Variants in PCDHGA10 observed in about 807,000 individuals in gnomAD.
PCDHGA10 encodes the protein protocadherin gamma subfamily A, 10.
Under a neutral mutation model 59.5 loss-of-function variants are expected in PCDHGA10, and 42 were observed. That is an observed-to-expected ratio of 0.71 (90% confidence interval 0.55 to 0.91). PCDHGA10 has a LOEUF of 0.91. PCDHGA10 is among the 40% of genes least tolerant of loss of function. The pLI is 0.00. For missense variants in PCDHGA10, 1,111 were observed against 1,198.2 expected, an observed-to-expected ratio of 0.93 and a Z score of 1.07; for synonymous variants, 511 against 517.2, an observed-to-expected ratio of 0.99 and a Z score of 0.16.
rs1267965791 is a variant in PCDHGA10, at chr5:141,431,329, G to C, written c.2436+15718G>C. 1 of 1,614,002 alleles carries C rather than the reference G, an allele frequency of 6.2e-7. No individual in the cohort carries two copies. Among genetic ancestry groups the C allele is most frequent in the East Asian group, 2.2e-5 (1 of 44,904 alleles). On this transcript the variant is annotated intron_variant, in intron 1 of 3. Coordinates refer to ENST00000398610, the MANE Select transcript of PCDHGA10 (RefSeq NM_018913.3). The surrounding 1 kb of genome is among the most constrained non-coding windows in gnomAD (Gnocchi z 4.8). ...TGCAAAATGGAGCCGACGGTAGTAA[G>C]TACCCCGAATTGGTGCTGAAACGCG...
rs530261329 is a variant in PCDHGA10, at chr5:141,440,076, A to G, written c.2436+24465A>G. 2.4e-4 allele frequency: 37 copies of G among 152,560 alleles called. No individual in the cohort carries two copies. In the South Asian group the frequency reaches 3.7e-3, roughly 15 times the overall value. The allele number at this position is 152,560 out of a possible 1,614,324, so 9.5% of individuals were successfully genotyped here. On this transcript the variant is annotated intron_variant, in intron 1 of 3. Coordinates refer to ENST00000398610, the MANE Select transcript of PCDHGA10 (RefSeq NM_018913.3). Reference sequence around the variant, plus strand: ...CTTCGGGTTAATGCTGAGGAATAATACTTCATTCTAAGTGGGGAAAGTGGA... The same window carrying G: ...CTTCGGGTTAATGCTGAGGAATAATGCTTCATTCTAAGTGGGGAAAGTGGA...
intron 1 of PCDHGA10, chr5:141,430,844 A>C: frequency 6.4e-7 from 1 of 1,571,464 alleles, no homozygotes; most frequent in Non-Finnish European, 8.6e-7. Flanking sequence ...GACCGGATGC[A>C]CCCAGATACG....
At chr5:141,438,610 A>G (rs2098013566) in intron 1 of PCDHGA10, among the ~76,000 whole-genome samples, 1 of 30,060 alleles carries the variant, frequency 3.3e-5, no homozygotes, top group African/African-American at 2.4e-4. Flanking sequence ...ATATATATAT[A>G]TATATATATA....
At position 141,476,001 on chromosome 5, in the gene PCDHGA10, C is replaced by G; in HGVS notation, c.2437-18806C>G. The G allele has an allele frequency of 8.1e-7, 1 of 1,235,348 alleles. No homozygotes were observed. Among genetic ancestry groups the G allele is most frequent in the Non-Finnish European group, 1.1e-6 (1 of 894,008 alleles). 76.5% of individuals were successfully genotyped at this position (1,235,348 alleles called of 1,614,324 possible). On this transcript the variant is annotated intron_variant, in intron 1 of 3. Transcript: ENST00000398610. The surrounding 1 kb of genome is among the most constrained non-coding windows in gnomAD (Gnocchi z 7.6). ...CAGCCGGCGAGCAAATCAACGGCATCCAGAAAGCCATGTCGGACTCGGCGC... is the reference window on the plus strand; with the variant it reads ...CAGCCGGCGAGCAAATCAACGGCATGCAGAAAGCCATGTCGGACTCGGCGC...
In PCDHGA10 at chr5:141,485,822, G is replaced by A. The variant is rs750883983; in HGVS notation, c.2437-8985G>A. 6.2e-7 allele frequency: 1 copy of A among 1,614,192 alleles called. No individual in the cohort carries two copies. The highest frequency in any genetic ancestry group is 1.1e-5 in the South Asian group (1 of 91,080). ...CCGCCTGGTGCTGACTGCTGTCGAT[G>A]GAGGGAACCCGCCGAGATCTGGCAC... On this transcript the variant is annotated intron_variant, in intron 1 of 3. Transcript: ENST00000398610. This position sits in a 1 kb window ranked among gnomAD's most constrained non-coding sequence, Gnocchi z 5.7.
chr5:141,420,993 C>T (rs956578377), intron 1 of PCDHGA10: 2 of 501,412 alleles, frequency 4.0e-6, no homozygotes, highest in Non-Finnish European at 7.0e-6. Context: ...GGCGCCGCTG[C>T]TCACCAATCA....
Position 141,491,094 on chromosome 5 carries a change from G to C in PCDHGA10, c.2437-3713G>C, listed in dbSNP as rs1240705650. The C allele has an allele frequency of 1.9e-6, 3 of 1,614,202 alleles. No homozygotes were observed. Among genetic ancestry groups the C allele is most frequent in the Non-Finnish European group, 2.5e-6 (3 of 1,180,030 alleles). On this transcript the variant is annotated intron_variant, in intron 1 of 3. Coordinates refer to ENST00000398610, the MANE Select transcript of PCDHGA10 (RefSeq NM_018913.3). The surrounding 1 kb of genome is among the most constrained non-coding windows in gnomAD (Gnocchi z 6.9). The stretch of plus-strand genomic sequence containing the variant: ...TGCCACAGTCCACAGCCCCAGGACT[G>C]TTCCTCGTGTCTACACACACTGGTG...
chr5:141,477,066 T>C lies in PCDHGA10; in HGVS notation c.2437-17741T>C. ...CGGCTGGACTTCGAGGACACCAAAC[T>C]CCATGAGATTTACATCCAGGCCAAA... On this transcript the variant is annotated intron_variant, in intron 1 of 3. Coordinates refer to ENST00000398610, the MANE Select transcript of PCDHGA10 (RefSeq NM_018913.3). This position sits in a 1 kb window ranked among gnomAD's most constrained non-coding sequence, Gnocchi z 4.9. 6.2e-7 allele frequency: 1 copy of C among 1,614,148 alleles called. No homozygotes were observed. The highest frequency in any genetic ancestry group is 8.5e-7 in the Non-Finnish European group (1 of 1,180,028).
intron 1 of PCDHGA10, among the ~76,000 whole-genome samples, chr5:141,449,264 C>T (rs2098633342): frequency 6.6e-6 from 1 of 152,056 alleles, no homozygotes; most frequent in African/African-American, 2.4e-5. Flanking sequence ...GTACAAAGAA[C>T]TGTATCTCCT....
chr5:141,441,057 A>T (rs2098222263), intron 1 of PCDHGA10: 2 of 152,152 alleles, frequency 1.3e-5, no homozygotes, highest in South Asian at 4.1e-4. Flanking sequence ...ACTTTTAAAG[A>T]TTTTTAATTT....
At chr5:141,458,509 CTTTG>C (rs1327998402) in intron 1 of PCDHGA10, among the ~76,000 whole-genome samples, 2 of 149,986 alleles carry the variant, frequency 1.3e-5, no homozygotes. Context: ...CTGTTTGACA[CTTTG>C]TTTTTTTTTT....
chr5:141,415,588 A>G lies in PCDHGA10; in HGVS notation c.2413A>G (p.Ile805Val), dbSNP rs769216282. 3.3e-5 allele frequency: 53 copies of G among 1,613,874 alleles called. No individual in the cohort carries two copies. Among genetic ancestry groups the G allele is most frequent in the Admixed American group, 3.3e-5 (2 of 59,998 alleles). ...LSLLDDSKFP[I>V]EDTPLVPQAP... ...TTTGTTAGATGATTCGAAGTTTCCT[A>G]TAGAGGATACCCCATTGGTTCCAGT... Residue 805 changes from isoleucine to valine, a missense_variant, in exon 1 of 4, where the codon ATA (isoleucine) becomes GTA (valine). Physicochemically the swap from Ile to Val is conservative, Grantham distance 29 (BLOSUM62 3). Transcript: ENST00000398610.
At chr5:141,420,275 G>T in intron 1 of PCDHGA10, 1 of 1,524,576 alleles carries the variant, frequency 6.6e-7, no homozygotes, top group Non-Finnish European at 8.9e-7. Flanking sequence ...TCTTAAACAG[G>T]TAAGTATTTA....
At position 141,486,121 on chromosome 5, in the gene PCDHGA10, T is replaced by C. The variant is rs371827617; in HGVS notation, c.2437-8686T>C. 5.6e-6 allele frequency: 9 copies of C among 1,614,086 alleles called. No individual in the cohort carries two copies. The highest frequency in any genetic ancestry group is 2.2e-5 in the South Asian group (2 of 91,082). ...TAGACTTTGAGAGTGAGAATTACTATGAATTTGATGTGCGGGCTCGCGATG... is the reference window on the plus strand; with the variant it reads ...TAGACTTTGAGAGTGAGAATTACTACGAATTTGATGTGCGGGCTCGCGATG... On this transcript the variant is annotated intron_variant, in intron 1 of 3. Coordinates refer to ENST00000398610, the MANE Select transcript of PCDHGA10 (RefSeq NM_018913.3). This position sits in a 1 kb window ranked among gnomAD's most constrained non-coding sequence, Gnocchi z 5.0.
intron 1 of PCDHGA10, among the ~76,000 whole-genome samples, chr5:141,436,701 A>C (rs571525375): frequency 6.9e-4 from 105 of 152,332 alleles, no homozygotes; most frequent in Non-Finnish European, 9.4e-4. Context: ...ATGCCAGCAC[A>C]CTCGATGTTC....
intron 1 of PCDHGA10, among the ~76,000 whole-genome samples, chr5:141,443,876 G>C (rs2098409251): frequency 6.6e-6 from 1 of 152,152 alleles, no homozygotes; most frequent in South Asian, 2.1e-4. Flanking sequence ...TTACTGATAA[G>C]TCAAGAGAAA....
chr5:141,491,131 G>A lies in PCDHGA10; in HGVS notation c.2437-3676G>A. 1 of 1,614,182 alleles carries A rather than the reference G, an allele frequency of 6.2e-7. No individual in the cohort carries two copies. Among genetic ancestry groups the A allele is most frequent in the Non-Finnish European group, 8.5e-7 (1 of 1,180,008 alleles). ...TACACACACTGGTGAGGTGCGCACA[G>A]CCCGGGCCTTACTGGAGGATGACTC... On this transcript the variant is annotated intron_variant, in intron 1 of 3. Coordinates refer to ENST00000398610, the MANE Select transcript of PCDHGA10 (RefSeq NM_018913.3). This position sits in a 1 kb window ranked among gnomAD's most constrained non-coding sequence, Gnocchi z 6.9.
intron 1 of PCDHGA10, chr5:141,423,907 G>C: frequency 7.9e-7 from 1 of 1,271,360 alleles, no homozygotes. Context: ...TTTCAAAGGG[G>C]CCATTCAACT....
chr5:141,421,077 A>G (rs975269359), intron 1 of PCDHGA10: 1 of 619,100 alleles, frequency 1.6e-6, no homozygotes, highest in Non-Finnish European at 2.7e-6. Context: ...TGAGATGGAT[A>G]CTCACAGATC....
Sources: gnomAD v4.1 joint callset for allele counts (sites outside exome capture counted in the v4.1 genomes callset) on GRCh38, gnomAD v4.1.1 for gene constraint, Gnocchi (gnomAD v3.1) non-coding constraint, MANE v1.5 for transcripts, NCBI Gene and HGNC (gene_info 2026-07-23, HGNC 2026-07-21) for gene names.